RASA3: variants seen among roughly 807,000 people sequenced by gnomAD.
The protein encoded by RASA3 is ras GTPase-activating protein 3.
Under a neutral mutation model 110.0 loss-of-function variants are expected in RASA3, and 73 were observed. The ratio of observed to expected loss-of-function variants is 0.66; its 90% CI spans 0.55 to 0.81. The LOEUF (loss-of-function observed/expected upper bound fraction) is 0.81. RASA3 is among the 30% of genes least tolerant of loss of function. The pLI, the probability that RASA3 is intolerant of heterozygous loss-of-function variation, is 0.00. For missense variants in RASA3, 976 were observed against 1,113.2 expected (o/e 0.88, Z 1.75); for synonymous variants, 500 against 451.4 (o/e 1.11, Z -1.37).
intron 16 of RASA3, among the ~76,000 whole-genome samples, chr13:114,010,069 C>T (rs189879683): frequency 4.3e-4 from 65 of 152,066 alleles, no homozygotes; most frequent in Non-Finnish European, 8.1e-4. Context: ...GGCTCAAGTG[C>T]CTGTTATGGA....
rs2053833699 is a variant in RASA3 at position 114,018,097 on chromosome 13, C to T, written c.1091+7G>A. The T allele has an allele frequency of 6.6e-7, 1 of 1,523,658 alleles. No homozygotes were observed. The highest frequency in any genetic ancestry group is 1.4e-5 in the African/African-American group (1 of 72,538). The allele number at this position is 1,523,658 out of a possible 1,614,324, so 94.4% of individuals were successfully genotyped here. A position where few individuals can be genotyped will look rare whatever the true frequency, so the allele number is the denominator to read the frequency against. On this transcript the variant is annotated splice_region_variant and intron_variant, in intron 11 of 23. Coordinates refer to ENST00000334062, the MANE Select transcript of RASA3 (RefSeq NM_007368.4). ...CCGCTCTCCCCCGGGGCAGGGTGGG[C>T]ACTCACTGGGTCCGCTTCACCTCCG...
intron 3 of RASA3, among the ~76,000 whole-genome samples, chr13:114,045,131 G>A (rs751082109): frequency 1.3e-5 from 2 of 152,182 alleles, no homozygotes; most frequent in Admixed American, 6.5e-5. Flanking sequence ...AATGGGGACC[G>A]TGGACATTTG....
chr13:114,018,892 A>G lies in RASA3; in HGVS notation c.813T>C (p.Gly271=), dbSNP rs543564519. The change falls in exon 10 of 24, where the codon GGT becomes GGC. Residue 271 remains glycine, a synonymous_variant. Coordinates refer to ENST00000334062, the MANE Select transcript of RASA3 (RefSeq NM_007368.4). Reference sequence around the variant, plus strand: ...GGTCGTCTGGCTTTAGGCTCTTGCTACCATTGTCCCGGGGCTGGAGGAAGT... The same window carrying G: ...GGTCGTCTGGCTTTAGGCTCTTGCTGCCATTGTCCCGGGGCTGGAGGAAGT... ...AWYFLQPRDN[G]SKSLKPDDLG... 2.6e-5 allele frequency: 42 copies of G among 1,613,808 alleles called. 1 individual carries two copies. The South Asian group carries it at 4.5e-4, about 17-fold the overall frequency.
chr13:113,980,444 G>GCCATGTGTGTGCACCTCCAC (rs1233570971), intron 23 of RASA3, among the ~76,000 whole-genome samples: 2 of 92,440 alleles, frequency 2.2e-5, no homozygotes, highest in Admixed American at 9.7e-5. Context: ...TGCACCTCCT[G>GCCATGTGTGTGCACCTCCAC]CCATGTGTGT....
chr13:114,116,798 AG>A (rs1213138074), intron 1 of RASA3, among the ~76,000 whole-genome samples: 2 of 133,368 alleles, frequency 1.5e-5, no homozygotes, highest in Non-Finnish European at 3.2e-5. Flanking sequence ...CACGTGTGTG[AG>A]GGGTGCATGT....
intron 4 of RASA3, among the ~76,000 whole-genome samples, chr13:114,031,268 C>T (rs2054162019): frequency 1.4e-5 from 2 of 147,884 alleles, no homozygotes; most frequent in African/African-American, 5.2e-5. Context: ...CCTGTGTTTG[C>T]ATGAAACTGT....
chr13:113,996,469 C>A, intron 21 of RASA3, 62 bp downstream of exon 21: 1 of 1,506,940 alleles, frequency 6.6e-7, no homozygotes. Flanking sequence ...TCCCTCCCTA[C>A]TCAGCCCCTT....
chr13:114,092,088 G>C (rs9525176), intron 1 of RASA3, among the ~76,000 whole-genome samples: 12,750 of 151,538 alleles, frequency 0.084, 858 homozygotes, highest in East Asian at 0.19. Context: ...TCTAGCTAGA[G>C]CTTTGTCAAT....
chr13:114,119,310 G>A (rs1392316160), intron 1 of RASA3, among the ~76,000 whole-genome samples: 1 of 152,218 alleles, frequency 6.6e-6, no homozygotes, highest in Non-Finnish European at 1.5e-5. Flanking sequence ...TACTGGAGGA[G>A]CGCTAAATGG....
At chr13:114,123,723 C>T (rs866041091) in intron 1 of RASA3, among the ~76,000 whole-genome samples, 4 of 152,172 alleles carry the variant, frequency 2.6e-5, no homozygotes, top group Non-Finnish European at 5.9e-5. Context: ...CATCCTGGGG[C>T]GAGGGAGGCA....
At chr13:114,110,455 G>A (rs771742451) in intron 1 of RASA3, among the ~76,000 whole-genome samples, 47 of 152,324 alleles carry the variant, frequency 3.1e-4, no homozygotes, top group Admixed American at 5.9e-4. Context: ...CTCACTGGAC[G>A]GCACCGTGCC....
chr13:114,017,280 C>G lies in RASA3; in HGVS notation c.1163G>C (p.Gly388Ala). The G allele has an allele frequency of 1.9e-6, 3 of 1,613,884 alleles. No individual in the cohort carries two copies. Among genetic ancestry groups the G allele is most frequent in the South Asian group, 2.2e-5 (2 of 91,088 alleles). The change falls in exon 12 of 24, where the codon GGG (glycine) becomes GCG (alanine). Residue 388 changes from glycine (G) to alanine (A), a missense_variant. Around this residue, in one of 4 missense-constraint regions of RASA3, gnomAD observed 732 missense variants for 779.7 expected, o/e 0.94. Coordinates refer to ENST00000334062, the MANE Select transcript of RASA3 (RefSeq NM_007368.4). ...CAGGGTGACATGCAGGTAATGCATC[C>G]CCGCCAGCTTCATGGTCTCGTCGAT... is the stretch of plus-strand genomic sequence containing the variant. ...KCIDETMKLA[G>A]MHYLHVTLKP...
chr13:114,026,452 C>T (rs2054027628), intron 7 of RASA3, among the ~76,000 whole-genome samples: 1 of 152,226 alleles, frequency 6.6e-6, no homozygotes, highest in South Asian at 2.1e-4. Context: ...ACCTCTAAAG[C>T]CCTCCTCACA....
chr13:114,091,886 T>C (rs935175472), intron 1 of RASA3, among the ~76,000 whole-genome samples: 1 of 152,146 alleles, frequency 6.6e-6, no homozygotes, highest in African/African-American at 2.4e-5. Context: ...GTTCTGTTTC[T>C]TTATGGCCCC....
intron 1 of RASA3, among the ~76,000 whole-genome samples, chr13:114,116,114 C>G (rs936320505): frequency 2.0e-5 from 3 of 152,238 alleles, no homozygotes; most frequent in Non-Finnish European, 4.4e-5. Flanking sequence ...CCTGTGCCCT[C>G]TCGGCCAGCC....
At chr13:114,024,493 G>GCGGGATT (rs2053991156) in intron 7 of RASA3, 138 bp from the exon 8 acceptor site, 2 of 775,246 alleles carry the variant, frequency 2.6e-6, no homozygotes, top group Non-Finnish European at 4.4e-6. Flanking sequence ...AAGGCGCCAG[G>GCGGGATT]CGGGATTCGG....
chr13:114,057,094 C>A lies in RASA3; in HGVS notation c.174-4939G>T. The A allele has an allele frequency of 1.5e-6, 1 of 653,752 alleles. No individual in the cohort carries two copies. The highest frequency in any genetic ancestry group is 1.9e-6 in the Non-Finnish European group (1 of 527,474). The allele number at this position is 653,752 out of a possible 1,614,324, so 40.5% of individuals were successfully genotyped here. On this transcript the variant is annotated intron_variant, in intron 2 of 23. Coordinates refer to ENST00000334062, the MANE Select transcript of RASA3 (RefSeq NM_007368.4). This position sits in a 1 kb window ranked among gnomAD's most constrained non-coding sequence, Gnocchi z 5.0. ...GCAGCTGAGAACCCTGGAGCCAGAA[C>A]AGGCTCCAGCACAGGCGATGGGTGA...
At position 114,011,365 on chromosome 13, in the gene RASA3, G is replaced by A. The variant is rs2053634372; in HGVS notation, c.1513-117C>T. 1 of 906,920 alleles carries A rather than the reference G, an allele frequency of 1.1e-6. No homozygotes were observed. Among genetic ancestry groups the A allele is most frequent in the Non-Finnish European group, 1.8e-6 (1 of 567,706 alleles). The allele number at this position is 906,920 out of a possible 1,614,324, so 56.2% of individuals were successfully genotyped here. ...CAGAGCTGCTGTGGCTTGTGCATGA[G>A]CTACGGAGAAACAGGGGTAGCGACG... On this transcript the variant is annotated intron_variant, in intron 15 of 23. Coordinates refer to ENST00000334062, the MANE Select transcript of RASA3 (RefSeq NM_007368.4). This position sits in a 1 kb window ranked among gnomAD's most constrained non-coding sequence, Gnocchi z 4.8.
At position 114,053,009 on chromosome 13, in the gene RASA3, A is replaced by G. The variant is rs9525220; in HGVS notation, c.174-854T>C. 3.9e-3 allele frequency among the ~76,000 whole-genome samples: 232 copies of G among 59,418 alleles called. 1 individual carries two copies. Among genetic ancestry groups the G allele is most frequent in the African/African-American group, 0.011 (110 of 10,320 alleles). 39.0% of individuals were successfully genotyped at this position (59,418 alleles called of 152,430 possible). ...TAGAGTCCTCGCTCCTGGGGGAGAG[A>G]CCCCCGCTGCTGACTGTGCTTAGAG... On this transcript the variant is annotated intron_variant, in intron 2 of 23. Transcript: ENST00000334062.
Sources: gnomAD v4.1 joint callset for allele counts (sites outside exome capture counted in the v4.1 genomes callset) on GRCh38, gnomAD v4.1.1 for gene constraint, gnomAD v4.1.1 regional missense constraint, Gnocchi (gnomAD v3.1) non-coding constraint, MANE v1.5 for transcripts, NCBI Gene and HGNC (gene_info 2026-07-23, HGNC 2026-07-21) for gene names.